Variants in SCN11A observed in about 807,000 individuals in gnomAD.
SCN11A encodes sodium voltage-gated channel alpha subunit 11, also known as sodium channel protein type 11 subunit alpha.
SCN11A carries 122 observed loss-of-function variants against 162.2 expected under a neutral mutation model. The ratio of observed to expected loss-of-function variants is 0.75; its 90% CI spans 0.65 to 0.87. The LOEUF (loss-of-function observed/expected upper bound fraction) is 0.87, where lower values mean the gene tolerates loss of function less well. SCN11A is among the 40% of genes least tolerant of loss of function. SCN11A has a pLI of 0.00. For missense variants in SCN11A, 2,015 were observed against 2,181.6 expected (o/e 0.92, Z 1.52); for synonymous variants, 758 against 751.5 (o/e 1.01, Z -0.14).
intron 17 of SCN11A, among the ~76,000 whole-genome samples, 182 bp downstream of exon 17, chr3:38,899,712 G>A (rs2065664740): frequency 1.3e-5 from 2 of 152,122 alleles, no homozygotes; most frequent in Non-Finnish European, 2.9e-5. Context: ...TCAGTTAAGC[G>A]AAGTCCCCCC....
chr3:39,006,903 A>G (rs894711453), intron 2 of SCN11A, among the ~76,000 whole-genome samples: 1 of 152,226 alleles, frequency 6.6e-6, no homozygotes, highest in African/African-American at 2.4e-5. Context: ...AGAAGAATTG[A>G]AAAATAAAAT....
intron 2 of SCN11A, among the ~76,000 whole-genome samples, chr3:38,968,567 A>G (rs982971356): frequency 3.3e-5 from 5 of 152,188 alleles, no homozygotes; most frequent in East Asian, 1.9e-4. Flanking sequence ...GAGGGAAAAC[A>G]CACATGCCTC....
At chr3:39,047,210 C>A (rs1228536531) in intron 1 of SCN11A, among the ~76,000 whole-genome samples, 1 of 151,742 alleles carries the variant, frequency 6.6e-6, no homozygotes, top group Non-Finnish European at 1.5e-5. Flanking sequence ...GCTGGGACTA[C>A]AGGCATGTAC....
intron 2 of SCN11A, among the ~76,000 whole-genome samples, chr3:39,021,226 T>C (rs77258851): frequency 0.029 from 4,377 of 152,078 alleles, 211 homozygotes; most frequent in African/African-American, 0.1. Flanking sequence ...AAATGGAAAA[T>C]CCCTAGTTAG....
chr3:38,957,533 C>CGACTTG (rs2066697068), intron 3 of SCN11A, among the ~76,000 whole-genome samples: 2 of 152,168 alleles, frequency 1.3e-5, no homozygotes, highest in Non-Finnish European at 2.9e-5. Context: ...ATGCGGGTTA[C>CGACTTG]GACTTGACGT....
Position 38,871,539 on chromosome 3 carries a change from T to C in SCN11A, c.3665A>G (p.Asn1222Ser), listed in dbSNP as rs1273085835. The change falls in exon 25 of 30, where the codon AAT (asparagine) becomes AGT (serine). Residue 1222 changes from asparagine to serine, a missense_variant. Asn to Ser is a conservative substitution (Grantham distance 46). Transcript: ENST00000302328. Reference protein sequence around the residue: ...DSVINYTIITNKSQCESGNFS... With the variant: ...DSVINYTIITSKSQCESGNFS... Reference sequence around the variant, plus strand: ...ATTGCCACTTTCACATTGACTTTTATTTGTAATGATGGTATAATTTATAAC... The same window carrying C: ...ATTGCCACTTTCACATTGACTTTTACTTGTAATGATGGTATAATTTATAAC... 1.2e-6 allele frequency: 2 copies of C among 1,612,568 alleles called. No homozygotes were observed. Among genetic ancestry groups the C allele is most frequent in the Admixed American group, 3.3e-5 (2 of 59,822 alleles).
At chr3:38,973,133 A>G (rs1049708866) in intron 2 of SCN11A, among the ~76,000 whole-genome samples, 3 of 152,228 alleles carry the variant, frequency 2.0e-5, no homozygotes, top group African/African-American at 4.8e-5. Context: ...AAAAGTTATA[A>G]GATGTAGCAT....
In SCN11A at chr3:39,000,862, C is replaced by A. The variant is rs539823073; in HGVS notation, c.-280+31518G>T. The stretch of plus-strand genomic sequence containing the variant: ...GACCAGCCTGAGTAACATGGCGAAA[C>A]CTTGTCTCTACTGAAAATACAAAAA... On this transcript the variant is annotated intron_variant, in intron 2 of 29. Transcript: ENST00000302328. Among the ~76,000 whole-genome samples the A allele has an allele frequency of 1.4e-3, 210 of 152,244 alleles. 1 individual carries two copies. The highest frequency in any genetic ancestry group is 2.5e-3 in the Non-Finnish European group (171 of 68,016).
chr3:39,038,982 G>A (rs1453039248), intron 1 of SCN11A, among the ~76,000 whole-genome samples: 1 of 152,110 alleles, frequency 6.6e-6, no homozygotes, highest in Non-Finnish European at 1.5e-5. Context: ...ATTTCTAAGG[G>A]ATCCAAGCAT....
chr3:39,019,243 C>T (rs769677261), intron 2 of SCN11A, among the ~76,000 whole-genome samples: 8 of 151,974 alleles, frequency 5.3e-5, no homozygotes, highest in Non-Finnish European at 7.4e-5. Flanking sequence ...TTTGCATGTC[C>T]GATAATGGAT....
chr3:38,858,009 G>GA (rs1199119800), intron 28 of SCN11A, among the ~76,000 whole-genome samples: 1 of 152,030 alleles, frequency 6.6e-6, no homozygotes. Flanking sequence ...TCTAAATTAT[G>GA]AAACAAACCT....
At chr3:38,891,626 C>T (rs2065501228) in intron 19 of SCN11A, among the ~76,000 whole-genome samples, 1 of 152,114 alleles carries the variant, frequency 6.6e-6, no homozygotes, top group Non-Finnish European at 1.5e-5. Flanking sequence ...AGACCAAGAT[C>T]AACAGGCCAG....
At chr3:38,997,352 G>GTAC (rs1331354599) in intron 2 of SCN11A, among the ~76,000 whole-genome samples, 1 of 152,180 alleles carries the variant, frequency 6.6e-6, no homozygotes, top group African/African-American at 2.4e-5. Flanking sequence ...CTTTGCTGGA[G>GTAC]TACTCGTCCC....
Position 38,904,041 on chromosome 3 carries a change from C to A in SCN11A, c.1666G>T (p.Val556Leu). 6.2e-7 allele frequency: 1 copy of A among 1,606,626 alleles called. No individual in the cohort carries two copies. Among genetic ancestry groups the A allele is most frequent in the Non-Finnish European group, 8.5e-7 (1 of 1,177,944 alleles). ...CGENLASKYL[V>L]WNCCPQWLCV... Reference sequence around the variant, plus strand: ...AGCCACTGGGGGCAACAGTTCCACACGAGGTACTTGGATGCCAGGTTTTCT... The same window carrying A: ...AGCCACTGGGGGCAACAGTTCCACAAGAGGTACTTGGATGCCAGGTTTTCT... The change falls in exon 16 of 30, where the codon GTG (valine) becomes TTG (leucine). Residue 556 changes from valine (V) to leucine (L), a missense_variant. By Grantham distance (32) the Val-to-Leu change is conservative. Coordinates refer to ENST00000302328, the MANE Select transcript of SCN11A (RefSeq NM_001349253.2).
At chr3:39,030,081 T>C (rs748833088) in intron 2 of SCN11A, among the ~76,000 whole-genome samples, 11 of 152,172 alleles carry the variant, frequency 7.2e-5, no homozygotes, top group Non-Finnish European at 1.6e-4. Flanking sequence ...AGGCAGAAAC[T>C]GCTTAAAGAT....
intron 26 of SCN11A, 94 bp downstream of exon 26, chr3:38,870,597 C>G: frequency 9.8e-7 from 1 of 1,018,090 alleles, no homozygotes; most frequent in Non-Finnish European, 1.5e-6. Context: ...ACCCCAGCTG[C>G]TGGAACTATG....
chr3:38,926,684 C>T (rs959093844), intron 8 of SCN11A, 119 bp downstream of exon 8: 46 of 1,032,420 alleles, frequency 4.5e-5, no homozygotes, highest in Admixed American at 6.8e-5. Flanking sequence ...GCACTCAGAG[C>T]TCTAGGCATT....
At chr3:38,890,639 G>C (rs560980543) in intron 19 of SCN11A, among the ~76,000 whole-genome samples, 1 of 152,358 alleles carries the variant, frequency 6.6e-6, no homozygotes, top group Admixed American at 6.5e-5. Flanking sequence ...GCATTGTCAA[G>C]GAAAATAGAG....
At position 38,899,988 on chromosome 3, in the gene SCN11A, A is replaced by G; in HGVS notation, c.1928T>C (p.Ile643Thr). The G allele has an allele frequency of 1.2e-6, 2 of 1,614,154 alleles. No homozygotes were observed. Among genetic ancestry groups the G allele is most frequent in the Non-Finnish European group, 1.7e-6 (2 of 1,180,014 alleles). The change falls in exon 17 of 30, where the codon ATT becomes ACT. Residue 643 changes from isoleucine (I) to threonine (T), a missense_variant. Physicochemically the swap from Ile to Thr is moderately conservative, Grantham distance 89 (BLOSUM62 -1). Transcript: ENST00000302328. Reference sequence around the variant, plus strand: ...CAGAAGAGCAACAATGCTGTCAAAAATGTTCCAGCCTCGGCGAAAGTAGTG... The same window carrying G: ...CAGAAGAGCAACAATGCTGTCAAAAGTGTTCCAGCCTCGGCGAAAGTAGTG... Reference protein sequence around the residue: ...PYHYFRRGWNIFDSIVALLSF... With the variant: ...PYHYFRRGWNTFDSIVALLSF...
Sources: allele counts gnomAD v4.1 joint callset (sites outside exome capture counted in the v4.1 genomes callset), GRCh38; gene constraint gnomAD v4.1.1; transcripts MANE v1.5; gene names NCBI Gene and HGNC (gene_info 2026-07-23, HGNC 2026-07-21).